RALGPS2: variants seen among roughly 807,000 people sequenced by gnomAD.
RALGPS2 encodes Ral GEF with PH domain and SH3 binding motif 2.
A neutral mutation model predicts 86.8 loss-of-function variants in RALGPS2; 43 were observed. The ratio of observed to expected loss-of-function variants is 0.50; its 90% CI spans 0.39 to 0.64. RALGPS2 has a LOEUF of 0.64. Among genes scored for constraint, RALGPS2 ranks in the 30% least tolerant of loss-of-function variants. The probability of loss-of-function intolerance (pLI) is 0.00; values close to 1 mark genes in which losing one functional copy is unlikely to be tolerated. For missense variants in RALGPS2, 536 were observed against 694.6 expected (o/e 0.77, Z 2.57); for synonymous variants, 243 against 231.3 (o/e 1.05, Z -0.46).
At chr1:178,859,968 C>T (rs953429489) in intron 8 of RALGPS2, among the ~76,000 whole-genome samples, 2 of 151,972 alleles carry the variant, frequency 1.3e-5, no homozygotes, top group South Asian at 2.1e-4. Context: ...CCACCCGTCT[C>T]GGCTACACAA....
chr1:178,836,882 G>A lies in RALGPS2; in HGVS notation c.607+3332G>A, dbSNP rs1832035. Among the ~76,000 whole-genome samples, 1,389 of 152,136 alleles carry A rather than the reference G, an allele frequency of 9.1e-3. 24 individuals carry two copies. Among genetic ancestry groups the A allele is most frequent in the African/African-American group, 0.029 (1,219 of 41,502 alleles). ...CAGCTTCAAACTTCTGGACTCAAGCGATCCTCCCACCTTAGCCTCTGCAGT... is the reference window on the plus strand; with the variant it reads ...CAGCTTCAAACTTCTGGACTCAAGCAATCCTCCCACCTTAGCCTCTGCAGT... On this transcript the variant is annotated intron_variant, in intron 8 of 19. Coordinates refer to ENST00000367635, the MANE Select transcript of RALGPS2 (RefSeq NM_152663.5).
chr1:178,736,927 C>A (rs1325653793), intron 1 of RALGPS2, among the ~76,000 whole-genome samples: 1 of 152,160 alleles, frequency 6.6e-6, no homozygotes, highest in African/African-American at 2.4e-5. Flanking sequence ...AAGACTAATA[C>A]AGTTAATCCC....
chr1:178,743,112 C>G (rs943481352), intron 1 of RALGPS2, among the ~76,000 whole-genome samples: 1 of 152,130 alleles, frequency 6.6e-6, no homozygotes, highest in African/African-American at 2.4e-5. Context: ...GTCCTAGCTA[C>G]TGGAAAGGAG....
At position 178,785,578 on chromosome 1, in the gene RALGPS2, G is replaced by C; in HGVS notation, c.184G>C (p.Val62Leu). Reference protein sequence around the residue: ...EYAGQITLMDVPVFKAIQPDE... With the variant: ...EYAGQITLMDLPVFKAIQPDE... ...TCAGGGTCAGATAACATTAATGGAT[G>C]TTCCAGTATTTAAAGCTATTCAACC... The change falls in exon 4 of 20, where the codon GTT (valine) becomes CTT (leucine). Residue 62 changes from valine to leucine, a missense_variant. By Grantham distance (32) the Val-to-Leu change is conservative (BLOSUM62 1). Transcript: ENST00000367635. The C allele has an allele frequency of 6.3e-7, 1 of 1,584,964 alleles. No homozygotes were observed. Among genetic ancestry groups the C allele is most frequent in the Non-Finnish European group, 8.6e-7 (1 of 1,166,822 alleles).
At chr1:178,747,754 T>TATGCC (rs1243156322) in intron 1 of RALGPS2, 1 of 1,044,618 alleles carries the variant, frequency 9.6e-7, no homozygotes, top group East Asian at 2.4e-5. Context: ...GTGGTGGGCA[T>TATGCC]GGCAGCAGGA....
chr1:178,910,701 G>T (rs1232736500), intron 19 of RALGPS2, among the ~76,000 whole-genome samples: 1 of 152,136 alleles, frequency 6.6e-6, no homozygotes, highest in Non-Finnish European at 1.5e-5. Context: ...TGTTCATCAG[G>T]TATATTGACC....
intron 19 of RALGPS2, among the ~76,000 whole-genome samples, chr1:178,913,868 G>A (rs1225055452): frequency 6.6e-6 from 1 of 152,130 alleles, no homozygotes; most frequent in African/African-American, 2.4e-5. Context: ...GGACCAAGGT[G>A]CTCCCAGGCT....
chr1:178,897,840 G>T (rs1660014376), intron 17 of RALGPS2, 84 bp downstream of exon 17: 1 of 1,110,130 alleles, frequency 9.0e-7, no homozygotes, highest in East Asian at 2.5e-5. Flanking sequence ...GGGATACAAA[G>T]GTTTTTTGGG....
At chr1:178,902,345 C>CT (rs1660212850) in intron 18 of RALGPS2, 134 bp downstream of exon 18, 6 of 585,248 alleles carry the variant, frequency 1.0e-5, no homozygotes, top group Admixed American at 3.0e-5. Flanking sequence ...GAGCCAAAAC[C>CT]TAGTTTCACT....
chr1:178,879,300 T>G (rs906240095), intron 10 of RALGPS2: 6 of 200,204 alleles, frequency 3.0e-5, no homozygotes, highest in Non-Finnish European at 4.9e-5. Flanking sequence ...GAATTTGTCT[T>G]TTAATAGACA....
chr1:178,734,659 T>C (rs1424361751), intron 1 of RALGPS2, among the ~76,000 whole-genome samples: 5 of 152,228 alleles, frequency 3.3e-5, no homozygotes, highest in African/African-American at 9.6e-5. Flanking sequence ...ACCAAGTATT[T>C]GTATGAAGCA....
intron 8 of RALGPS2, among the ~76,000 whole-genome samples, chr1:178,862,625 A>C (rs886225459): frequency 6.7e-6 from 1 of 148,166 alleles, no homozygotes; most frequent in Non-Finnish European, 1.5e-5. Flanking sequence ...TTATTTATTT[A>C]TTTATTTGGT....
At chr1:178,797,929 A>G (rs1432377797) in intron 4 of RALGPS2, among the ~76,000 whole-genome samples, 1 of 148,040 alleles carries the variant, frequency 6.8e-6, no homozygotes, top group Non-Finnish European at 1.5e-5. Flanking sequence ...ACTCATACAC[A>G]TATTTTTTTC....
chr1:178,730,426 T>C (rs867099861), intron 1 of RALGPS2, among the ~76,000 whole-genome samples: 3 of 152,226 alleles, frequency 2.0e-5, no homozygotes, highest in Non-Finnish European at 2.9e-5. Context: ...TTTGTAAATA[T>C]GTTTACAGTG....
chr1:178,862,453 A>G (rs986781290), intron 8 of RALGPS2, among the ~76,000 whole-genome samples: 2 of 152,186 alleles, frequency 1.3e-5, no homozygotes, highest in South Asian at 4.1e-4. Context: ...TTCTGAGTGT[A>G]TGTAAAGATA....
intron 1 of RALGPS2, among the ~76,000 whole-genome samples, chr1:178,759,723 G>T (rs1417747471): frequency 5.3e-5 from 8 of 151,764 alleles, no homozygotes; most frequent in Non-Finnish European, 1.0e-4. Flanking sequence ...CCGTTAATAT[G>T]CAATATCCAT....
At chr1:178,875,463 T>C (rs1417870324) in intron 8 of RALGPS2, among the ~76,000 whole-genome samples, 3 of 152,060 alleles carry the variant, frequency 2.0e-5, no homozygotes, top group African/African-American at 7.2e-5. Flanking sequence ...AACATGTATA[T>C]TGGGCCAGGT....
intron 10 of RALGPS2, among the ~76,000 whole-genome samples, chr1:178,882,313 A>C (rs1372742890): frequency 6.6e-6 from 1 of 152,226 alleles, no homozygotes; most frequent in Non-Finnish European, 1.5e-5. Context: ...TCAGAAGGAC[A>C]GGAATACCGT....
At chr1:178,891,946 C>T (rs950727822) in intron 14 of RALGPS2, among the ~76,000 whole-genome samples, 2 of 151,768 alleles carry the variant, frequency 1.3e-5, no homozygotes, top group South Asian at 4.2e-4. Flanking sequence ...CTATAAATAG[C>T]TCTTTAATTC....
Sources: allele counts gnomAD v4.1 joint callset (sites outside exome capture counted in the v4.1 genomes callset), GRCh38; gene constraint gnomAD v4.1.1; transcripts MANE v1.5; gene names NCBI Gene and HGNC (gene_info 2026-07-23, HGNC 2026-07-21).